RARB: variants seen among roughly 807,000 people sequenced by gnomAD.
RARB encodes the protein retinoic acid receptor beta, also known as HBV-activated protein.
RARB carries 17 observed loss-of-function variants against 51.9 expected under a neutral mutation model. The observed-to-expected ratio is 0.33, with a 90% confidence interval of 0.22 to 0.49. The LOEUF (loss-of-function observed/expected upper bound fraction) is 0.49, where lower values mean the gene tolerates loss of function less well. Ranked by LOEUF, RARB falls within the 20% of genes least tolerant of loss-of-function variation. The probability of loss-of-function intolerance (pLI) is 0.99; values close to 1 mark genes in which losing one functional copy is unlikely to be tolerated. For missense variants in RARB, 369 were observed against 550.8 expected, an observed-to-expected ratio of 0.67 and a Z score of 3.30; for synonymous variants, 215 against 195.4, an observed-to-expected ratio of 1.10 and a Z score of -0.84.
At chr3:24,840,998 C>T (rs1311345342) in intron 1 of RARB, among the ~76,000 whole-genome samples, 1 of 152,056 alleles carries the variant, frequency 6.6e-6, no homozygotes, top group Non-Finnish European at 1.5e-5. Flanking sequence ...GGGTTTTGCA[C>T]AGTATTTTGG....
At chr3:25,339,867 T>G (rs1037293094) in intron 5 of RARB, among the ~76,000 whole-genome samples, 1 of 152,148 alleles carries the variant, frequency 6.6e-6, no homozygotes, top group African/African-American at 2.4e-5. Flanking sequence ...CTCAACAGTT[T>G]CCACAAAACT....
At chr3:25,380,161 A>G (rs1375029439) in intron 5 of RARB, among the ~76,000 whole-genome samples, 1 of 152,226 alleles carries the variant, frequency 6.6e-6, no homozygotes, top group Non-Finnish European at 1.5e-5. Context: ...AAGGGAAAGA[A>G]TAAACAGTGA....
intron 1 of RARB, among the ~76,000 whole-genome samples, chr3:24,836,956 C>T (rs963198553): frequency 6.6e-6 from 1 of 152,080 alleles, no homozygotes; most frequent in Non-Finnish European, 1.5e-5. Context: ...GTTGGATGTC[C>T]ATCAATAAAC....
intron 2 of RARB, among the ~76,000 whole-genome samples, chr3:24,996,324 A>G (rs1697037982): frequency 6.6e-6 from 1 of 151,396 alleles, no homozygotes; most frequent in Non-Finnish European, 1.5e-5. Flanking sequence ...TTAATTTCTG[A>G]TTTTGTTTGG....
At chr3:25,114,703 C>A (rs1265624664) in intron 3 of RARB, among the ~76,000 whole-genome samples, 1 of 152,114 alleles carries the variant, frequency 6.6e-6, no homozygotes, top group African/African-American at 2.4e-5. Flanking sequence ...TGTAAGGATC[C>A]TTGGAGGAAA....
chr3:25,515,362 T>A (rs757645865), intron 3 of RARB, among the ~76,000 whole-genome samples: 2 of 152,188 alleles, frequency 1.3e-5, no homozygotes, highest in Non-Finnish European at 2.9e-5. Context: ...GAAAACTCTT[T>A]GGCAGTATCT....
intron 5 of RARB, among the ~76,000 whole-genome samples, chr3:25,370,305 A>G (rs970464662): frequency 3.3e-5 from 5 of 152,220 alleles, no homozygotes; most frequent in Admixed American, 6.5e-5. Context: ...TCAAAATACA[A>G]TAGCATAAAA....
intron 4 of RARB, among the ~76,000 whole-genome samples, chr3:25,136,758 G>A (rs142033945): frequency 2.6e-5 from 4 of 151,996 alleles, no homozygotes; most frequent in Admixed American, 2.6e-4. Context: ...AGGATGGGGG[G>A]AGAGTTTGGG....
intron 5 of RARB, among the ~76,000 whole-genome samples, chr3:25,282,058 A>T (rs1263077495): frequency 2.0e-5 from 3 of 152,254 alleles, no homozygotes; most frequent in African/African-American, 7.2e-5. Flanking sequence ...CGAGTATAAA[A>T]TTATGCAAAG....
chr3:25,375,256 C>T (rs1007692320), intron 5 of RARB, among the ~76,000 whole-genome samples: 1 of 152,194 alleles, frequency 6.6e-6, no homozygotes, highest in Non-Finnish European at 1.5e-5. Context: ...CCAATATCTT[C>T]TCACTGATAA....
chr3:25,112,719 A>C (rs1699623301), intron 3 of RARB, among the ~76,000 whole-genome samples: 1 of 152,184 alleles, frequency 6.6e-6, no homozygotes, highest in Non-Finnish European at 1.5e-5. Flanking sequence ...TCTAGGCTGC[A>C]GTGAGCCATA....
At chr3:25,254,708 C>T (rs998578153) in intron 5 of RARB, among the ~76,000 whole-genome samples, 2 of 151,806 alleles carry the variant, frequency 1.3e-5, no homozygotes, top group Non-Finnish European at 1.5e-5. Context: ...ATGACTTGGT[C>T]GGTCAGAGAC....
chr3:25,206,077 C>G (rs1324282996), intron 5 of RARB, among the ~76,000 whole-genome samples: 1 of 152,150 alleles, frequency 6.6e-6, no homozygotes, highest in Non-Finnish European at 1.5e-5. Flanking sequence ...ATGATATTTT[C>G]AACTTACAAT....
intron 4 of RARB, among the ~76,000 whole-genome samples, chr3:25,155,564 T>C (rs771132974): frequency 1.3e-5 from 2 of 152,252 alleles, no homozygotes; most frequent in African/African-American, 2.4e-5. Flanking sequence ...CTAATATCAT[T>C]TGATCCACTG....
At chr3:25,205,759 T>C (rs1162594396) in intron 5 of RARB, among the ~76,000 whole-genome samples, 2 of 151,778 alleles carry the variant, frequency 1.3e-5, no homozygotes, top group Non-Finnish European at 2.9e-5. Context: ...TTTTTTTTTC[T>C]TGAGACGGGG....
intron 5 of RARB, among the ~76,000 whole-genome samples, chr3:25,204,093 C>G (rs1701466270): frequency 1.3e-5 from 2 of 152,212 alleles, no homozygotes; most frequent in Admixed American, 1.3e-4. Flanking sequence ...GGTCTTTTCA[C>G]ATAGTCCCAT....
At chr3:24,899,605 G>A (rs372055958) in intron 2 of RARB, among the ~76,000 whole-genome samples, 5 of 152,212 alleles carry the variant, frequency 3.3e-5, no homozygotes, top group African/African-American at 4.8e-5. Context: ...CTGTGGCCAA[G>A]GATAAATTCC....
intron 3 of RARB, among the ~76,000 whole-genome samples, chr3:25,536,491 G>C (rs75202397): frequency 0.02 from 3,073 of 152,224 alleles, 103 homozygotes; most frequent in African/African-American, 0.071. Context: ...GGGGAAAAAC[G>C]ACAAAATGGA....
chr3:25,131,017 A>AT (rs1699943906), intron 3 of RARB, among the ~76,000 whole-genome samples: 1 of 147,480 alleles, frequency 6.8e-6, no homozygotes, highest in African/African-American at 2.6e-5. Context: ...TTTATCAATG[A>AT]AATTATATAT....
Sources: allele counts gnomAD v4.1 joint callset (sites outside exome capture counted in the v4.1 genomes callset), GRCh38; gene constraint gnomAD v4.1.1; transcripts MANE v1.5; gene names NCBI Gene and HGNC (gene_info 2026-07-23, HGNC 2026-07-21).